Variants in PDSS1 observed in about 807,000 individuals in gnomAD.
The protein encoded by PDSS1 is all trans-polyprenyl-diphosphate synthase PDSS1.
PDSS1 carries 43 observed loss-of-function variants against 57.5 expected under a neutral mutation model. That is an observed-to-expected ratio of 0.75 (90% CI 0.59 to 0.96). PDSS1 has a LOEUF of 0.96. Ranked by LOEUF, PDSS1 falls within the 50% of genes least tolerant of loss-of-function variation. The pLI is 0.00. For synonymous variants in PDSS1, 175 were observed against 191.3 expected, an observed-to-expected ratio of 0.91 and a Z score of 0.70; for missense variants, 438 against 527.8, an observed-to-expected ratio of 0.83 and a Z score of 1.67.
chr10:26,726,872 G>GCCAACC (rs1488566136), intron 8 of PDSS1, among the ~76,000 whole-genome samples: 1 of 152,014 alleles, frequency 6.6e-6, no homozygotes, highest in African/African-American at 2.4e-5. Flanking sequence ...GACCAGCCTG[G>GCCAACC]CCAACATGGC....
intron 4 of PDSS1, 41 bp downstream of exon 4, chr10:26,705,435 C>T (rs1173016879): frequency 9.5e-6 from 8 of 845,746 alleles, no homozygotes; most frequent in South Asian, 6.9e-5. Flanking sequence ...TTTTAGCTTA[C>T]CAAAACTTAC....
At chr10:26,719,925 T>C (rs1001882786) in intron 5 of PDSS1, among the ~76,000 whole-genome samples, 1 of 152,230 alleles carries the variant, frequency 6.6e-6, no homozygotes, top group African/African-American at 2.4e-5. Flanking sequence ...GTTATAAAGA[T>C]GATTCTTCAG....
chr10:26,741,180 G>C (rs759782503), intron 10 of PDSS1, among the ~76,000 whole-genome samples: 1 of 152,136 alleles, frequency 6.6e-6, no homozygotes, highest in East Asian at 1.9e-4. Context: ...CAGGATCTAG[G>C]CAACTGTATT....
intron 5 of PDSS1, among the ~76,000 whole-genome samples, chr10:26,718,975 C>T (rs1835693218): frequency 1.3e-5 from 2 of 152,090 alleles, no homozygotes; most frequent in African/African-American, 4.8e-5. Flanking sequence ...TGTAGTTATA[C>T]TTCATTTTTC....
At position 26,712,319 on chromosome 10, in the gene PDSS1, C is replaced by T. The variant is rs143007087; in HGVS notation, c.467+2551C>T. ...CCCAGCCAATTTGAAGTTTTTTCAG[C>T]CTGCCTTATGGAAACTGTATAAATT... On this transcript the variant is annotated intron_variant, in intron 5 of 11. Coordinates refer to ENST00000376215, the MANE Select transcript of PDSS1 (RefSeq NM_014317.5). Among the ~76,000 whole-genome samples, 447 of 100,032 alleles carry T rather than the reference C, an allele frequency of 4.5e-3. 128 individuals carry two copies. Among genetic ancestry groups the T allele is most frequent in the African/African-American group, 0.013 (415 of 30,942 alleles). The allele number at this position is 100,032 out of a possible 152,430, so 65.6% of individuals were successfully genotyped here.
chr10:26,722,344 A>G (rs1029324488), intron 6 of PDSS1, among the ~76,000 whole-genome samples: 4 of 152,254 alleles, frequency 2.6e-5, no homozygotes, highest in Non-Finnish European at 4.4e-5. Context: ...ACCTAAGACA[A>G]TAAGTACCTA....
chr10:26,703,850 G>C (rs1835119983), intron 2 of PDSS1, among the ~76,000 whole-genome samples: 1 of 99,700 alleles, frequency 1.0e-5, no homozygotes, highest in Non-Finnish European at 1.9e-5. Context: ...GGGAGGCCAA[G>C]GCGGGCGGAT....
chr10:26,746,234 C>G, intron 11 of PDSS1, 99 bp from the exon 12 acceptor site: 1 of 1,199,770 alleles, frequency 8.3e-7, no homozygotes, highest in Non-Finnish European at 1.2e-6. Context: ...CTCAGCTCAT[C>G]TGATCTCAAA....
intron 3 of PDSS1, 76 bp downstream of exon 3, chr10:26,704,817 G>C (rs1326525750): frequency 1.3e-6 from 1 of 790,084 alleles, no homozygotes; most frequent in Non-Finnish European, 2.2e-6. Context: ...AATTTTTTTT[G>C]TAGCGATGGG....
intron 10 of PDSS1, among the ~76,000 whole-genome samples, chr10:26,742,184 T>C (rs543014437): frequency 6.6e-6 from 1 of 151,974 alleles, no homozygotes; most frequent in African/African-American, 2.4e-5. Flanking sequence ...GCCAGAACCA[T>C]GTTGTTTTAA....
intron 4 of PDSS1, among the ~76,000 whole-genome samples, chr10:26,707,874 G>C (rs1273304969): frequency 6.6e-6 from 1 of 152,282 alleles, no homozygotes; most frequent in African/African-American, 2.4e-5. Flanking sequence ...CTGTTTTCCT[G>C]TTCCTTGGGA....
Position 26,742,485 on chromosome 10 carries a change from T to G in PDSS1, c.1027-12T>G. 1 of 1,593,308 alleles carries G rather than the reference T, an allele frequency of 6.3e-7. No individual in the cohort carries two copies. Among genetic ancestry groups the G allele is most frequent in the Non-Finnish European group, 8.6e-7 (1 of 1,163,234 alleles). ...AATAGATTTTCTCAGATTTTCTCTCTTTTTTTGTTAGTTCCCAGAAATGAA... is the reference window on the plus strand; with the variant it reads ...AATAGATTTTCTCAGATTTTCTCTCGTTTTTTGTTAGTTCCCAGAAATGAA... On this transcript the variant is annotated splice_polypyrimidine_tract_variant and intron_variant, in intron 10 of 11. Coordinates refer to ENST00000376215, the MANE Select transcript of PDSS1 (RefSeq NM_014317.5).
chr10:26,746,745 A>C lies in PDSS1; in HGVS notation c.*272A>C. The C allele has an allele frequency of 2.2e-6, 1 of 461,804 alleles. No homozygotes were observed. Among genetic ancestry groups the C allele is most frequent in the South Asian group, 2.1e-5 (1 of 46,628 alleles). 28.6% of individuals were successfully genotyped at this position (461,804 alleles called of 1,614,324 possible). On this transcript the variant is annotated 3_prime_UTR_variant, in exon 12 of 12. Coordinates refer to ENST00000376215, the MANE Select transcript of PDSS1 (RefSeq NM_014317.5). Reference sequence around the variant, plus strand: ...TATATGTGGTATTGTTTACACTGTTAATATCCACATGTAAGGCCATTACAC... The same window carrying C: ...TATATGTGGTATTGTTTACACTGTTCATATCCACATGTAAGGCCATTACAC...
intron 4 of PDSS1, among the ~76,000 whole-genome samples, chr10:26,708,225 C>T (rs1373400776): frequency 6.6e-6 from 1 of 152,216 alleles, no homozygotes; most frequent in Non-Finnish European, 1.5e-5. Context: ...GAACGATGGG[C>T]CCACTTTGTT....
rs1677726 is a variant in PDSS1, at chr10:26,701,920, T to G, written c.130-242T>G. The stretch of plus-strand genomic sequence containing the variant: ...GGTTGAACCCTGCAAAGCCACAGAG[T>G]CAGAGCCACCCAAGTTCTTGGGAGC... On this transcript the variant is annotated intron_variant, in intron 1 of 11. Transcript: ENST00000376215. 0.65 allele frequency: 286,440 copies of G among 440,270 alleles called. 95,280 individuals carry two copies. Among genetic ancestry groups the G allele is most frequent in the East Asian group, 0.81 (11,459 of 14,108 alleles). 27.3% of individuals were successfully genotyped at this position (440,270 alleles called of 1,614,324 possible).
chr10:26,736,951 G>A (rs566081037), intron 10 of PDSS1, among the ~76,000 whole-genome samples: 7 of 152,268 alleles, frequency 4.6e-5, no homozygotes, highest in Non-Finnish European at 8.8e-5. Flanking sequence ...GTGTTATGCT[G>A]GGGATTAGAA....
chr10:26,705,858 A>G (rs545122633), intron 4 of PDSS1, among the ~76,000 whole-genome samples: 1 of 152,334 alleles, frequency 6.6e-6, no homozygotes, highest in East Asian at 1.9e-4. Context: ...ACCCAGTGCC[A>G]GGCAATATGA....
chr10:26,723,834 C>G lies in PDSS1; in HGVS notation c.638C>G (p.Ser213Cys). The G allele has an allele frequency of 6.2e-7, 1 of 1,612,788 alleles. No homozygotes were observed. Among genetic ancestry groups the G allele is most frequent in the South Asian group, 1.1e-5 (1 of 91,048 alleles). ...KAVLAGDLIL[S>C]AASIALARIG... Reference sequence around the variant, plus strand: ...GTTCTTGCTGGAGATTTAATTCTTTCTGCAGCATCTATAGCTCTGGCACGA... The same window carrying G: ...GTTCTTGCTGGAGATTTAATTCTTTGTGCAGCATCTATAGCTCTGGCACGA... Residue 213 changes from serine to cysteine, a missense_variant, in exon 7 of 12, where the codon TCT becomes TGT. Coordinates refer to ENST00000376215, the MANE Select transcript of PDSS1 (RefSeq NM_014317.5).
intron 2 of PDSS1, among the ~76,000 whole-genome samples, chr10:26,704,322 G>C (rs972476324): frequency 3.3e-5 from 5 of 151,916 alleles, no homozygotes; most frequent in Non-Finnish European, 7.4e-5. Flanking sequence ...TTCCTTCCTT[G>C]CTATTGAAAT....
Sources: allele counts gnomAD v4.1 joint callset (sites outside exome capture counted in the v4.1 genomes callset), GRCh38; gene constraint gnomAD v4.1.1; transcripts MANE v1.5; gene names NCBI Gene and HGNC (gene_info 2026-07-23, HGNC 2026-07-21).